CEP112: variants seen among roughly 807,000 people sequenced by gnomAD.
The protein encoded by CEP112 is centrosomal protein of 112 kDa.
Under a neutral mutation model 153.0 loss-of-function variants are expected in CEP112, and 127 were observed. That is an observed-to-expected ratio of 0.83 (90% CI 0.72 to 0.96). The LOEUF (loss-of-function observed/expected upper bound fraction) is 0.96. CEP112 is among the 40% of genes least tolerant of loss of function. The probability of loss-of-function intolerance (pLI) is 0.00; values close to 1 mark genes in which losing one functional copy is unlikely to be tolerated. For synonymous variants in CEP112, 358 were observed against 374.4 expected (o/e 0.96, Z 0.51); for missense variants, 1,089 against 1,101.2 (o/e 0.99, Z 0.16).
At chr17:65,875,842 A>G (rs1010979342) in intron 20 of CEP112, among the ~76,000 whole-genome samples, 1 of 152,200 alleles carries the variant, frequency 6.6e-6, no homozygotes, top group Non-Finnish European at 1.5e-5. Flanking sequence ...AACCATGAGT[A>G]TATTTTCTAT....
At chr17:65,798,296 C>G (rs1386258524) in intron 21 of CEP112, among the ~76,000 whole-genome samples, 1 of 152,152 alleles carries the variant, frequency 6.6e-6, no homozygotes, top group Non-Finnish European at 1.5e-5. Context: ...AACCTATTAT[C>G]TTCTCATATG....
intron 2 of CEP112, among the ~76,000 whole-genome samples, chr17:66,181,456 C>A (rs1229731073): frequency 2.6e-5 from 4 of 152,140 alleles, no homozygotes; most frequent in Admixed American, 2.6e-4. Flanking sequence ...CGCCATTCTC[C>A]TGCCTCAGCC....
At chr17:65,782,527 G>C (rs1016585240) in intron 21 of CEP112, among the ~76,000 whole-genome samples, 1 of 152,116 alleles carries the variant, frequency 6.6e-6, no homozygotes, top group Non-Finnish European at 1.5e-5. Context: ...CTACCAAAAA[G>C]ACACATGTAC....
intron 8 of CEP112, among the ~76,000 whole-genome samples, chr17:66,081,614 CAA>C (rs11421559): frequency 7.9e-5 from 11 of 138,944 alleles, no homozygotes; most frequent in South Asian, 2.3e-4. Context: ...GACTCACAGA[CAA>C]AAAAAAAAAA....
chr17:65,902,423 T>A (rs865863224), intron 19 of CEP112, 89 bp from the exon 20 acceptor site: 2 of 1,109,786 alleles, frequency 1.8e-6, no homozygotes, highest in Middle Eastern at 5.3e-4. Flanking sequence ...CTCTAATTTG[T>A]CCAAGTTGAA....
intron 23 of CEP112, among the ~76,000 whole-genome samples, chr17:65,723,527 G>A (rs1213499873): frequency 2.0e-5 from 3 of 152,214 alleles, no homozygotes; most frequent in Non-Finnish European, 4.4e-5. Context: ...CAGTTCTCCA[G>A]ATGAGAGAAT....
At chr17:66,081,116 C>T (rs1326726415) in intron 8 of CEP112, among the ~76,000 whole-genome samples, 2 of 151,992 alleles carry the variant, frequency 1.3e-5, no homozygotes, top group African/African-American at 4.8e-5. Flanking sequence ...ACCTATGTAA[C>T]AAACCTGTAC....
chr17:66,045,349 C>T lies in CEP112; in HGVS notation c.1218+8387G>A, dbSNP rs571101884. Among the ~76,000 whole-genome samples the T allele has an allele frequency of 1.1e-4, 17 of 152,224 alleles. No individual in the cohort carries two copies. The East Asian group carries it at 3.1e-3, about 28-fold the overall frequency. On this transcript the variant is annotated intron_variant, in intron 12 of 26. Coordinates refer to ENST00000535342, the MANE Select transcript of CEP112 (RefSeq NM_001199165.4). The stretch of plus-strand genomic sequence containing the variant: ...CCTCCCAAAGTACTGGGGTTACAGG[C>T]GTGAGCCACCATGCCTGGCCAAAAT...
chr17:65,804,864 A>C (rs2055498000), intron 21 of CEP112, among the ~76,000 whole-genome samples: 1 of 151,538 alleles, frequency 6.6e-6, no homozygotes, highest in Non-Finnish European at 1.5e-5. Context: ...CTGTACAATT[A>C]ATTTTTTTTT....
At chr17:66,119,114 G>A (rs530733230) in intron 6 of CEP112, among the ~76,000 whole-genome samples, 7 of 152,222 alleles carry the variant, frequency 4.6e-5, no homozygotes, top group East Asian at 3.9e-4. Context: ...ACCACCACAC[G>A]TTCTCATTTA....
chr17:66,052,373 T>C (rs2145923715), intron 12 of CEP112, among the ~76,000 whole-genome samples: 1 of 152,294 alleles, frequency 6.6e-6, no homozygotes, highest in South Asian at 2.1e-4. Context: ...AACACGGACA[T>C]GAGGAGCTCT....
At chr17:65,781,525 A>T (rs1351511354) in intron 21 of CEP112, among the ~76,000 whole-genome samples, 1 of 152,162 alleles carries the variant, frequency 6.6e-6, no homozygotes, top group Non-Finnish European at 1.5e-5. Context: ...ATGGAACAAA[A>T]AAAAAAGCCC....
intron 18 of CEP112, among the ~76,000 whole-genome samples, chr17:65,950,544 A>G (rs184310076): frequency 6.6e-6 from 1 of 152,110 alleles, no homozygotes; most frequent in African/African-American, 2.4e-5. Flanking sequence ...CTGCTAGTAT[A>G]TAAAAGTGTG....
chr17:65,893,127 G>C (rs921882082), intron 20 of CEP112, among the ~76,000 whole-genome samples: 1 of 152,018 alleles, frequency 6.6e-6, no homozygotes, highest in Non-Finnish European at 1.5e-5. Context: ...GTTCACTGAA[G>C]GCTCTTCTGT....
Position 65,842,647 on chromosome 17 carries a change from C to T in CEP112, c.2394+9157G>A, listed in dbSNP as rs184352320. ...CTTATTTTGTTAATAAACAGATGCT[C>T]CAGATATTATTCTAATACTTGTTTA... On this transcript the variant is annotated intron_variant, in intron 21 of 26. Coordinates refer to ENST00000535342, the MANE Select transcript of CEP112 (RefSeq NM_001199165.4). 4.5e-3 allele frequency among the ~76,000 whole-genome samples: 679 copies of T among 152,176 alleles called. 1 individual carries two copies. Among genetic ancestry groups the T allele is most frequent in the African/African-American group, 0.016 (647 of 41,542 alleles).
intron 12 of CEP112, among the ~76,000 whole-genome samples, chr17:66,030,574 AT>A (rs1349566325): frequency 2.0e-5 from 3 of 152,090 alleles, no homozygotes; most frequent in African/African-American, 7.2e-5. Context: ...ATTTTTATTC[AT>A]TTTTTAACAT....
chr17:66,124,799 G>A (rs1021914271), intron 6 of CEP112, among the ~76,000 whole-genome samples: 2 of 152,118 alleles, frequency 1.3e-5, no homozygotes, highest in Non-Finnish European at 2.9e-5. Flanking sequence ...CAATCGGCCT[G>A]TTATTATTGA....
At chr17:65,798,517 T>C (rs1412816579) in intron 21 of CEP112, among the ~76,000 whole-genome samples, 1 of 152,124 alleles carries the variant, frequency 6.6e-6, no homozygotes, top group Non-Finnish European at 1.5e-5. Flanking sequence ...CGGACTAAAG[T>C]TATAGTAGAC....
At chr17:65,836,822 C>T (rs576281605) in intron 21 of CEP112, among the ~76,000 whole-genome samples, 5 of 151,896 alleles carry the variant, frequency 3.3e-5, no homozygotes, top group African/African-American at 1.2e-4. Flanking sequence ...TCCCCATCCC[C>T]TTCCCCCTCC....
Sources: allele counts gnomAD v4.1 joint callset (sites outside exome capture counted in the v4.1 genomes callset), GRCh38; gene constraint gnomAD v4.1.1; transcripts MANE v1.5; gene names NCBI Gene and HGNC (gene_info 2026-07-23, HGNC 2026-07-21).